Variants in NLGN1 observed in about 807,000 individuals in gnomAD.
NLGN1 encodes neuroligin-1.
In NLGN1, 12 loss-of-function variants were observed where a neutral mutation model predicts 65.5. The observed-to-expected ratio is 0.18, with a 90% CI of 0.12 to 0.30. NLGN1 has a LOEUF of 0.30. Ranked by LOEUF, NLGN1 falls within the 10% of genes least tolerant of loss-of-function variation. The pLI is 1.00. For missense variants in NLGN1, 750 were observed against 1,007.1 expected (o/e 0.74, Z 3.46); for synonymous variants, 350 against 359.5 (o/e 0.97, Z 0.30).
chr3:174,075,716 T>A (rs919696973), intron 4 of NLGN1, among the ~76,000 whole-genome samples: 6 of 152,172 alleles, frequency 3.9e-5, no homozygotes, highest in African/African-American at 1.4e-4. Context: ...TTATGTTTCA[T>A]CATTAGAGCT....
At chr3:174,171,790 T>G (rs1728584962) in intron 4 of NLGN1, among the ~76,000 whole-genome samples, 1 of 152,150 alleles carries the variant, frequency 6.6e-6, no homozygotes, top group Non-Finnish European at 1.5e-5. Flanking sequence ...CTTTTCCTCG[T>G]CACCAATTTC....
chr3:173,605,934 A>G (rs750825268), intron 3 of NLGN1, among the ~76,000 whole-genome samples: 34 of 152,128 alleles, frequency 2.2e-4, no homozygotes, highest in Non-Finnish European at 4.7e-4. Context: ...GGTAACTTTG[A>G]TCTCTGAACT....
intron 3 of NLGN1, among the ~76,000 whole-genome samples, chr3:173,681,571 G>A (rs1285114958): frequency 6.6e-6 from 1 of 152,078 alleles, no homozygotes; most frequent in Non-Finnish European, 1.5e-5. Context: ...TACCCCTCAG[G>A]GAGAAATCTG....
At chr3:173,425,688 A>G (rs1408421719) in intron 1 of NLGN1, among the ~76,000 whole-genome samples, 5 of 151,930 alleles carry the variant, frequency 3.3e-5, no homozygotes, top group Non-Finnish European at 7.4e-5. Context: ...CTATTCCATT[A>G]GTTTTTGTGT....
intron 2 of NLGN1, among the ~76,000 whole-genome samples, chr3:173,470,142 C>G (rs948992999): frequency 6.6e-6 from 1 of 151,986 alleles, no homozygotes; most frequent in Non-Finnish European, 1.5e-5. Context: ...ATGATTGTAT[C>G]TCTAATATGC....
intron 2 of NLGN1, among the ~76,000 whole-genome samples, chr3:173,442,830 T>G (rs1719442040): frequency 6.6e-6 from 1 of 152,250 alleles, no homozygotes; most frequent in Middle Eastern, 3.4e-3. Flanking sequence ...CTTTCAAAAT[T>G]TATACTTCTG....
intron 2 of NLGN1, among the ~76,000 whole-genome samples, chr3:173,564,056 T>A (rs954446319): frequency 6.6e-6 from 1 of 152,238 alleles, no homozygotes; most frequent in African/African-American, 2.4e-5. Context: ...CCGTCTCTTG[T>A]CTTGCTTCCC....
At chr3:173,872,985 C>T (rs1356089079) in intron 4 of NLGN1, among the ~76,000 whole-genome samples, 1 of 151,950 alleles carries the variant, frequency 6.6e-6, no homozygotes, top group Non-Finnish European at 1.5e-5. Flanking sequence ...ATGTCACATA[C>T]ACAGTAATTA....
chr3:174,035,558 T>G (rs2152481018), intron 4 of NLGN1, among the ~76,000 whole-genome samples: 1 of 152,252 alleles, frequency 6.6e-6, no homozygotes, highest in South Asian at 2.1e-4. Flanking sequence ...CTTTACCACA[T>G]GGGTTGATGT....
At chr3:173,936,126 T>A (rs560445138) in intron 4 of NLGN1, among the ~76,000 whole-genome samples, 1 of 152,024 alleles carries the variant, frequency 6.6e-6, no homozygotes, top group Admixed American at 6.6e-5. Context: ...TTTTCATAGA[T>A]CTTATGTAAT....
At chr3:174,119,448 TC>T (rs1019347624) in intron 4 of NLGN1, among the ~76,000 whole-genome samples, 91 of 152,278 alleles carry the variant, frequency 6.0e-4, no homozygotes, top group African/African-American at 2.1e-3. Context: ...TATTTTTAAA[TC>T]CCCCTTGTCT....
At chr3:173,517,502 T>G (rs2149119486) in intron 2 of NLGN1, among the ~76,000 whole-genome samples, 1 of 152,206 alleles carries the variant, frequency 6.6e-6, no homozygotes, top group Middle Eastern at 3.4e-3. Context: ...ATTCAAAACA[T>G]ACAATGGACT....
chr3:173,477,649 T>A (rs958453357), intron 2 of NLGN1, among the ~76,000 whole-genome samples: 2 of 152,082 alleles, frequency 1.3e-5, no homozygotes, highest in African/African-American at 2.4e-5. Flanking sequence ...AACTGAATAA[T>A]GAGAGAAACC....
chr3:173,675,417 G>A (rs1300446273), intron 3 of NLGN1, among the ~76,000 whole-genome samples: 1 of 151,704 alleles, frequency 6.6e-6, no homozygotes, highest in Non-Finnish European at 1.5e-5. Flanking sequence ...GGAGCTTCAG[G>A]TAGCAGAAGT....
chr3:173,729,183 C>T (rs1486656427), intron 3 of NLGN1, among the ~76,000 whole-genome samples: 1 of 151,990 alleles, frequency 6.6e-6, no homozygotes, highest in Non-Finnish European at 1.5e-5. Context: ...TTAAGAGCCA[C>T]CAAGCAAGTT....
At chr3:173,678,308 T>C (rs1051644987) in intron 3 of NLGN1, among the ~76,000 whole-genome samples, 6 of 152,100 alleles carry the variant, frequency 3.9e-5, no homozygotes, top group South Asian at 2.1e-4. Context: ...ACATACAGAC[T>C]GTTAAGAGGG....
chr3:174,224,939 C>T (rs1450241916), intron 4 of NLGN1, among the ~76,000 whole-genome samples: 1 of 152,106 alleles, frequency 6.6e-6, no homozygotes, highest in Non-Finnish European at 1.5e-5. Context: ...AATTTAGAAG[C>T]TTGTTAGGAG....
At chr3:173,913,810 G>C (rs763248841) in intron 4 of NLGN1, among the ~76,000 whole-genome samples, 1 of 152,144 alleles carries the variant, frequency 6.6e-6, no homozygotes, top group African/African-American at 2.4e-5. Flanking sequence ...CTCTGTTAAA[G>C]AGTATTGCTG....
At chr3:173,602,521 C>T (rs1301844856) in intron 2 of NLGN1, among the ~76,000 whole-genome samples, 3 of 151,972 alleles carry the variant, frequency 2.0e-5, no homozygotes, top group African/African-American at 4.8e-5. Context: ...AGTAGCACAT[C>T]AGTGGGAAAC....
Sources: gnomAD v4.1 joint callset for allele counts (sites outside exome capture counted in the v4.1 genomes callset) on GRCh38, gnomAD v4.1.1 for gene constraint, MANE v1.5 for transcripts, NCBI Gene and HGNC (gene_info 2026-07-23, HGNC 2026-07-21) for gene names.